SORCS2: variants seen among roughly 807,000 people sequenced by gnomAD.
SORCS2 encodes the protein VPS10 domain-containing receptor SorCS2.
SORCS2 carries 100 observed loss-of-function variants against 141.6 expected under a neutral mutation model. The ratio of observed to expected loss-of-function variants is 0.71; its 90% CI spans 0.60 to 0.83. SORCS2 has a LOEUF of 0.83. SORCS2 is among the 40% of genes least tolerant of loss of function. The pLI is 0.00. For missense variants in SORCS2, 1,646 were observed against 1,560.2 expected, an observed-to-expected ratio of 1.05 and a Z score of -0.93; for synonymous variants, 789 against 676.9, an observed-to-expected ratio of 1.17 and a Z score of -2.57.
chr4:7,369,205 G>A (rs1455763164), intron 1 of SORCS2, among the ~76,000 whole-genome samples: 1 of 152,138 alleles, frequency 6.6e-6, no homozygotes, highest in African/African-American at 2.4e-5. Context: ...CAGCTAGTCG[G>A]GAAGCTGAGG....
intron 3 of SORCS2, among the ~76,000 whole-genome samples, chr4:7,558,821 AG>A (rs1714322223): frequency 6.6e-6 from 1 of 151,970 alleles, no homozygotes; most frequent in African/African-American, 2.4e-5. Flanking sequence ...GCCTCACCCT[AG>A]GGCCTCTAGT....
At chr4:7,217,110 G>T (rs1451302723) in intron 1 of SORCS2, among the ~76,000 whole-genome samples, 1 of 152,154 alleles carries the variant, frequency 6.6e-6, no homozygotes, top group African/African-American at 2.4e-5. Context: ...CCTGCTCCAT[G>T]GGGCTCCTCT....
chr4:7,663,083 T>C lies in SORCS2; in HGVS notation c.953-1270T>C, dbSNP rs1318786358. The stretch of plus-strand genomic sequence containing the variant: ...GTGAAAGAGTGGGTGAATGAGTGAG[T>C]GAGTGAGTGAATGAGTAAGTGAATG... On this transcript the variant is annotated intron_variant, in intron 6 of 26. Transcript: ENST00000507866. This position sits in a 1 kb window ranked among gnomAD's most constrained non-coding sequence, Gnocchi z 4.8. Among the ~76,000 whole-genome samples, 1 of 151,174 alleles carries C rather than the reference T, an allele frequency of 6.6e-6. No individual in the cohort carries two copies. The highest frequency in any genetic ancestry group is 1.5e-5 in the Non-Finnish European group (1 of 67,866).
At chr4:7,439,402 A>G (rs1341983090) in intron 2 of SORCS2, among the ~76,000 whole-genome samples, 2 of 152,152 alleles carry the variant, frequency 1.3e-5, no homozygotes, top group Non-Finnish European at 2.9e-5. Flanking sequence ...AATCCATAGC[A>G]CTGTGAAATG....
At chr4:7,360,641 T>C (rs544169978) in intron 1 of SORCS2, among the ~76,000 whole-genome samples, 179 of 135,208 alleles carry the variant, frequency 1.3e-3, no homozygotes, top group South Asian at 3.1e-3. Context: ...TGCAGTGGTA[T>C]GATTATGGCT....
rs3892280 is a variant in SORCS2, at chr4:7,327,810, C to T, written c.481-68478C>T. Among the ~76,000 whole-genome samples the T allele has an allele frequency of 5.1e-4, 78 of 152,012 alleles. 1 individual carries two copies. The highest frequency in any genetic ancestry group is 1.8e-3 in the African/African-American group (75 of 41,504). On this transcript the variant is annotated intron_variant, in intron 1 of 26. Coordinates refer to ENST00000507866, the MANE Select transcript of SORCS2 (RefSeq NM_020777.3). ...GGCTTGGCTTGTGTGACCGCCCCCC[C>T]CAACCCCGCCCCCGGCAACGTTGCT...
At chr4:7,254,054 A>T (rs1025114876) in intron 1 of SORCS2, among the ~76,000 whole-genome samples, 6 of 152,226 alleles carry the variant, frequency 3.9e-5, no homozygotes, top group African/African-American at 1.4e-4. Context: ...GAGAAGAGGG[A>T]ACTCTTAGGC....
In SORCS2 at chr4:7,193,100, G is replaced by A. The variant is rs1208290194; in HGVS notation, c.454G>A (p.Val152Met). The A allele has an allele frequency of 1.3e-6, 2 of 1,556,908 alleles. No homozygotes were observed. The highest frequency in any genetic ancestry group is 1.8e-5 in the Admixed American group (1 of 56,082). The change falls in exon 1 of 27, where the codon GTG (valine) becomes ATG (methionine). Residue 152 changes from valine to methionine, a missense_variant. By Grantham distance (21) the Val-to-Met change is conservative. Coordinates refer to ENST00000507866, the MANE Select transcript of SORCS2 (RefSeq NM_020777.3). This position sits in a 1 kb window ranked among gnomAD's most constrained non-coding sequence, Gnocchi z 4.8. ...GGACGCGACGCACAACCAGGCGATGGTGCACTGGACGGGCGAGAACAGCAG... is the reference window on the plus strand; with the variant it reads ...GGACGCGACGCACAACCAGGCGATGATGCACTGGACGGGCGAGAACAGCAG... ...KGDATHNQAM[V>M]HWTGENSSVI...
intron 1 of SORCS2, among the ~76,000 whole-genome samples, chr4:7,239,234 G>A (rs1428890690): frequency 2.6e-5 from 4 of 152,178 alleles, no homozygotes; most frequent in South Asian, 2.1e-4. Context: ...CCTCACTCAC[G>A]GGCTGCCCGT....
At chr4:7,274,361 G>C (rs1715348196) in intron 1 of SORCS2, among the ~76,000 whole-genome samples, 1 of 152,214 alleles carries the variant, frequency 6.6e-6, no homozygotes, top group South Asian at 2.1e-4. Flanking sequence ...AAATGCCTGA[G>C]GCTGGGTAAT....
chr4:7,309,933 G>A (rs1190378975), intron 1 of SORCS2, among the ~76,000 whole-genome samples: 1 of 152,244 alleles, frequency 6.6e-6, no homozygotes, highest in Admixed American at 6.5e-5. Flanking sequence ...GGTGTCACCC[G>A]CAGTAGGCAG....
intron 3 of SORCS2, among the ~76,000 whole-genome samples, chr4:7,610,206 A>G (rs1212645037): frequency 6.6e-6 from 1 of 152,212 alleles, no homozygotes; most frequent in Non-Finnish European, 1.5e-5. Context: ...CCGCGGTTGG[A>G]ATGGGAGATT....
chr4:7,691,967 G>A (rs758666641), intron 11 of SORCS2, among the ~76,000 whole-genome samples: 8 of 151,708 alleles, frequency 5.3e-5, no homozygotes, highest in Non-Finnish European at 2.9e-5. Context: ...GGGGGTGTCA[G>A]TCACAGCCTT....
At position 7,444,940 on chromosome 4, in the gene SORCS2, G is replaced by A. The variant is rs540427490; in HGVS notation, c.548+48585G>A. The stretch of plus-strand genomic sequence containing the variant: ...GCCTGGGCCACTTGGACGATGAACC[G>A]GAGGAGGCGACCCAGGCAGGCAGAC... On this transcript the variant is annotated intron_variant, in intron 2 of 26. Coordinates refer to ENST00000507866, the MANE Select transcript of SORCS2 (RefSeq NM_020777.3). 3.9e-5 allele frequency among the ~76,000 whole-genome samples: 6 copies of A among 152,366 alleles called. No individual in the cohort carries two copies. The South Asian group carries it at 1.0e-3, about 26-fold the overall frequency.
chr4:7,264,702 G>A (rs1297327998), intron 1 of SORCS2, among the ~76,000 whole-genome samples: 2 of 152,218 alleles, frequency 1.3e-5, no homozygotes, highest in African/African-American at 4.8e-5. Flanking sequence ...GGAGCAGGCA[G>A]GGGCTGGCCT....
chr4:7,411,296 C>G (rs1477441291), intron 2 of SORCS2, among the ~76,000 whole-genome samples: 1 of 151,882 alleles, frequency 6.6e-6, no homozygotes, highest in Non-Finnish European at 1.5e-5. Flanking sequence ...TCCCTTGGGT[C>G]CGGGCTCCAG....
chr4:7,423,602 C>G (rs1726232789), intron 2 of SORCS2, among the ~76,000 whole-genome samples: 1 of 152,182 alleles, frequency 6.6e-6, no homozygotes, highest in Admixed American at 6.5e-5. Flanking sequence ...TTCATTTGTC[C>G]TGTCTGAGAT....
At chr4:7,256,653 T>C (rs1713895505) in intron 1 of SORCS2, among the ~76,000 whole-genome samples, 1 of 151,578 alleles carries the variant, frequency 6.6e-6, no homozygotes. Flanking sequence ...AAATCTCGGA[T>C]GCGAACGTAA....
At chr4:7,304,977 C>T (rs1717685582) in intron 1 of SORCS2, among the ~76,000 whole-genome samples, 1 of 152,162 alleles carries the variant, frequency 6.6e-6, no homozygotes, top group African/African-American at 2.4e-5. Flanking sequence ...GGGGTGACAC[C>T]ACCCTTGCTG....
Sources: gnomAD v4.1 joint callset for allele counts (sites outside exome capture counted in the v4.1 genomes callset) on GRCh38, gnomAD v4.1.1 for gene constraint, Gnocchi (gnomAD v3.1) non-coding constraint, MANE v1.5 for transcripts, NCBI Gene and HGNC (gene_info 2026-07-23, HGNC 2026-07-21) for gene names.